Variants in PRKACB observed in about 807,000 individuals in gnomAD.
PRKACB encodes cAMP-dependent protein kinase catalytic subunit beta.
PRKACB carries 16 observed loss-of-function variants against 51.4 expected under a neutral mutation model. That is an observed-to-expected ratio of 0.31 (90% CI 0.21 to 0.47). The LOEUF is 0.47. Among genes scored for constraint, PRKACB ranks in the 20% least tolerant of loss-of-function variants. The pLI, the probability that PRKACB is intolerant of heterozygous loss-of-function variation, is 1.00. For missense variants in PRKACB, 309 were observed against 464.5 expected (o/e 0.67, Z 3.08); for synonymous variants, 147 against 154.4 (o/e 0.95, Z 0.35).
rs895003888 is a variant in PRKACB, at chr1:84,114,791, T to A, written c.46+36420T>A. 2.6e-5 allele frequency among the ~76,000 whole-genome samples: 4 copies of A among 152,192 alleles called. No individual in the cohort carries two copies. In the South Asian group the frequency reaches 6.2e-4, roughly 24 times the overall value. On this transcript the variant is annotated intron_variant, in intron 1 of 8. Coordinates refer to the PRKACB transcript ENST00000370688. Reference sequence around the variant, plus strand: ...ACATATAAATGAGAACATGTGATATTTGTCTTTTTGTGTCTGGCTTATTTC... The same window carrying A: ...ACATATAAATGAGAACATGTGATATATGTCTTTTTGTGTCTGGCTTATTTC...
chr1:84,150,764 T>C (rs1006052916), intron 1 of PRKACB, among the ~76,000 whole-genome samples: 1 of 152,140 alleles, frequency 6.6e-6, no homozygotes, highest in Admixed American at 6.6e-5. Context: ...TGCAGAACCA[T>C]GAGCCAAAAT....
At chr1:84,153,050 G>A (rs1256570917) in intron 1 of PRKACB, among the ~76,000 whole-genome samples, 2 of 151,858 alleles carry the variant, frequency 1.3e-5, no homozygotes, top group Admixed American at 6.6e-5. Context: ...GCTATTGATC[G>A]GCGTAATTTC....
chr1:84,231,650 G>A lies in PRKACB; in HGVS notation c.1072-3530G>A, dbSNP rs371067127. On this transcript the variant is annotated intron_variant, in intron 9 of 9. Coordinates refer to ENST00000370685, the MANE Select transcript of PRKACB (RefSeq NM_182948.4). ...CAACTTCTTCCTGGTTTAGTCTTCAGAGAGTGTATGTGTCGAGGAATTTAT... is the reference window on the plus strand; with the variant it reads ...CAACTTCTTCCTGGTTTAGTCTTCAAAGAGTGTATGTGTCGAGGAATTTAT... Among the ~76,000 whole-genome samples the A allele has an allele frequency of 8.5e-5, 13 of 152,200 alleles. No homozygotes were observed. In the East Asian group the frequency reaches 1.3e-3, roughly 16 times the overall value.
intron 1 of PRKACB, chr1:84,164,189 C>A: frequency 8.7e-7 from 1 of 1,153,858 alleles, no homozygotes; most frequent in Non-Finnish European, 1.2e-6. Flanking sequence ...TTCCATAACA[C>A]AGAATGTTTA....
chr1:84,173,487 A>G, intron 1 of PRKACB: 2 of 775,574 alleles, frequency 2.6e-6, no homozygotes, highest in Admixed American at 5.2e-5. Flanking sequence ...AAATATTTTT[A>G]GTGTGTGTGT....
intron 1 of PRKACB, among the ~76,000 whole-genome samples, chr1:84,114,848 A>G (rs2100858981): frequency 6.6e-6 from 1 of 152,282 alleles, no homozygotes; most frequent in African/African-American, 2.4e-5. Flanking sequence ...TTCTAGCCAT[A>G]TTGCTGCAAA....
At chr1:84,098,860 G>T (rs887530080) in intron 1 of PRKACB, among the ~76,000 whole-genome samples, 3 of 152,026 alleles carry the variant, frequency 2.0e-5, no homozygotes, top group African/African-American at 7.2e-5. Context: ...TTTGGAATTT[G>T]TGCATTTTAA....
At chr1:84,083,216 A>G (rs1447027571) in intron 1 of PRKACB, among the ~76,000 whole-genome samples, 2 of 152,216 alleles carry the variant, frequency 1.3e-5, no homozygotes, top group Non-Finnish European at 2.9e-5. Context: ...CCAATTCTGT[A>G]GAATGCAGAG....
At chr1:84,145,116 A>C (rs1046158323) in intron 1 of PRKACB, among the ~76,000 whole-genome samples, 1 of 152,132 alleles carries the variant, frequency 6.6e-6, no homozygotes, top group African/African-American at 2.4e-5. Context: ...ATTTTATGTT[A>C]TTTATACATA....
At chr1:84,183,409 A>G (rs1572165998) in intron 3 of PRKACB, among the ~76,000 whole-genome samples, 5 of 151,902 alleles carry the variant, frequency 3.3e-5, no homozygotes, top group African/African-American at 7.2e-5. Flanking sequence ...TTTTTCCCCA[A>G]TATTTTGTGT....
At chr1:84,208,287 A>G (rs1429004182) in intron 8 of PRKACB, among the ~76,000 whole-genome samples, 1 of 152,242 alleles carries the variant, frequency 6.6e-6, no homozygotes, top group Non-Finnish European at 1.5e-5. Context: ...CAAATGTACA[A>G]GACTTTATAA....
At chr1:84,219,703 G>C (rs1448188604) in intron 9 of PRKACB, among the ~76,000 whole-genome samples, 1 of 151,062 alleles carries the variant, frequency 6.6e-6, no homozygotes, top group Non-Finnish European at 1.5e-5. Flanking sequence ...GTATTGAAGA[G>C]AGTGTCCTTT....
At position 84,199,116 on chromosome 1, in the gene PRKACB, CATAT is replaced by C. The variant is rs199699646; in HGVS notation, c.783+1306_783+1309del. On this transcript the variant is annotated intron_variant, in intron 7 of 9. Transcript: ENST00000370685. Reference sequence around the variant, plus strand: ...ATATATGCATATATGTATATATATGCATATATATATATATATACACACACATTTT... The same window carrying C: ...ATATATGCATATATGTATATATATGCATATATATATATACACACACATTTT... 1.3e-3 allele frequency among the ~76,000 whole-genome samples: 130 copies of C among 101,472 alleles called. No homozygotes were observed. The highest frequency in any genetic ancestry group is 0.011 in the East Asian group (39 of 3,680). 66.6% of individuals were successfully genotyped at this position (101,472 alleles called of 152,430 possible). A position where few individuals can be genotyped will look rare whatever the true frequency, so the allele number is the denominator to read the frequency against.
intron 1 of PRKACB, among the ~76,000 whole-genome samples, chr1:84,151,998 G>T (rs1256747934): frequency 6.6e-6 from 1 of 152,182 alleles, no homozygotes; most frequent in African/African-American, 2.4e-5. Flanking sequence ...AGATCCATCA[G>T]AGGAATCACT....
intron 5 of PRKACB, among the ~76,000 whole-genome samples, chr1:84,193,914 G>T (rs962341387): frequency 3.3e-5 from 5 of 152,114 alleles, no homozygotes; most frequent in African/African-American, 2.4e-5. Context: ...AATGATGGTG[G>T]CAGACTCAGA....
chr1:84,135,699 A>G (rs944420437), intron 1 of PRKACB, among the ~76,000 whole-genome samples: 1 of 152,130 alleles, frequency 6.6e-6, no homozygotes, highest in African/African-American at 2.4e-5. Flanking sequence ...AAATTTTAAA[A>G]TATTTTAAGC....
At chr1:84,135,812 G>A (rs2100570122) in intron 1 of PRKACB, among the ~76,000 whole-genome samples, 1 of 151,660 alleles carries the variant, frequency 6.6e-6, no homozygotes, top group Non-Finnish European at 1.5e-5. Context: ...TAGAAAAGAA[G>A]AAAGATCTAA....
intron 1 of PRKACB, among the ~76,000 whole-genome samples, chr1:84,083,099 A>G (rs981710771): frequency 6.6e-6 from 1 of 152,210 alleles, no homozygotes. Context: ...AATATCTTCT[A>G]TTGAAAAATT....
intron 1 of PRKACB, among the ~76,000 whole-genome samples, chr1:84,151,497 T>C (rs1654855684): frequency 6.6e-6 from 1 of 152,216 alleles, no homozygotes; most frequent in Non-Finnish European, 1.5e-5. Context: ...AAGATTTCTC[T>C]GTAGCATGTG....
Sources: allele counts gnomAD v4.1 joint callset (sites outside exome capture counted in the v4.1 genomes callset), GRCh38; gene constraint gnomAD v4.1.1; transcripts MANE v1.5; gene names NCBI Gene and HGNC (gene_info 2026-07-23, HGNC 2026-07-21).